Variants in TMEM164 observed in about 807,000 individuals in gnomAD.
TMEM164 encodes transmembrane protein 164, also known as RP13-360B22.2.
Under a neutral mutation model 18.8 loss-of-function variants are expected in TMEM164, and 4 were observed. That is an observed-to-expected ratio of 0.21 (90% confidence interval 0.10 to 0.49). TMEM164 has a LOEUF of 0.49. TMEM164 is among the 20% of genes least tolerant of loss of function. TMEM164 has a pLI of 0.98. For missense variants in TMEM164, 108 were observed against 239.9 expected (o/e 0.45, Z 3.63); for synonymous variants, 86 against 101.7 (o/e 0.85, Z 0.93).
At chrX:110,051,678 A>G (rs1241823423) in intron 2 of TMEM164, among the ~76,000 whole-genome samples, 1 of 111,654 alleles carries the variant, frequency 9.0e-6, no homozygotes, top group Non-Finnish European at 1.9e-5. Context: ...CTTGAGGATT[A>G]AAAGAAATCT....
In TMEM164 at chrX:110,003,779, C is replaced by T; in HGVS notation, c.5C>T (p.Ser2Phe). The stretch of plus-strand genomic sequence containing the variant: ...GTCAAGGGGAACCACTGCATCATGT[C>T]CCGGTATAGCTACCAGAGTCTCCTG... M[S>F]RYSYQSLLDW... The change falls in exon 2 of 7, where the codon TCC (serine) becomes TTC (phenylalanine). Residue 2 changes from serine to phenylalanine, a missense_variant. Transcript: ENST00000372068. 1 of 1,195,592 alleles carries T rather than the reference C, an allele frequency of 8.4e-7. No homozygotes were observed. Among genetic ancestry groups the T allele is most frequent in the Non-Finnish European group, 1.1e-6 (1 of 887,915 alleles).
chrX:110,118,701 C>G (rs937124967), intron 4 of TMEM164, among the ~76,000 whole-genome samples: 1 of 111,095 alleles, frequency 9.0e-6, no homozygotes, highest in African/African-American at 3.3e-5. Context: ...TGCCAAAGTA[C>G]CACCTCACTT....
intron 4 of TMEM164, among the ~76,000 whole-genome samples, chrX:110,126,868 T>TGG (rs2066539716): frequency 4.5e-5 from 4 of 87,973 alleles, no homozygotes; most frequent in Non-Finnish European, 8.7e-5. Flanking sequence ...GTGTGTGGTG[T>TGG]TGGTGGGAAG....
At chrX:110,157,747 T>G (rs2067036676) in intron 5 of TMEM164, among the ~76,000 whole-genome samples, 1 of 112,589 alleles carries the variant, frequency 8.9e-6, no homozygotes, top group Non-Finnish European at 1.9e-5. Context: ...ATCCTATATC[T>G]GTTCTATTCC....
At chrX:110,038,798 T>A (rs1934963376) in intron 2 of TMEM164, among the ~76,000 whole-genome samples, 1 of 100,057 alleles carries the variant, frequency 1.0e-5, no homozygotes, top group Non-Finnish European at 2.0e-5. Context: ...AGCAGCTTCC[T>A]CACTGATGCT....
chrX:110,071,854 T>C (rs2065596941), intron 3 of TMEM164, among the ~76,000 whole-genome samples: 1 of 110,242 alleles, frequency 9.1e-6, no homozygotes, highest in South Asian at 3.9e-4. Flanking sequence ...TGAACTATGA[T>C]TGTGCTGCTG....
chrX:110,066,073 C>T lies in TMEM164; in HGVS notation c.391-1274C>T, dbSNP rs184956628. On this transcript the variant is annotated intron_variant, in intron 2 of 6. Coordinates refer to ENST00000372068, the MANE Select transcript of TMEM164 (RefSeq NM_032227.4). ...TGAGGTATCATGCAGGTGATGGACT[C>T]CTGACTGTGTTCTTTTTAAGACCCT... Among the ~76,000 whole-genome samples the T allele has an allele frequency of 9.0e-4, 101 of 111,609 alleles. 1 individual carries two copies. The highest frequency in any genetic ancestry group is 9.2e-4 in the Non-Finnish European group (49 of 53,070).
intron 5 of TMEM164, among the ~76,000 whole-genome samples, chrX:110,153,906 C>T (rs2066980365): frequency 9.0e-6 from 1 of 111,159 alleles, no homozygotes; most frequent in Admixed American, 9.6e-5. Flanking sequence ...CTCTAGATTA[C>T]TCATAATACC....
chrX:110,039,045 A>G (rs1217612369), intron 2 of TMEM164, among the ~76,000 whole-genome samples: 1 of 111,738 alleles, frequency 8.9e-6, no homozygotes, highest in Non-Finnish European at 1.9e-5. Context: ...AGCTGTTTGA[A>G]CTTGGGGAAG....
chrX:110,173,597 C>T lies in TMEM164; in HGVS notation c.*146C>T. On this transcript the variant is annotated 3_prime_UTR_variant, in exon 7 of 7. Transcript: ENST00000372068. ...TCCTCCTTTCTGTCCCTTTCTTCTACCACTCTTCCTTTCCCAGCTCTTCCC... is the reference window on the plus strand; with the variant it reads ...TCCTCCTTTCTGTCCCTTTCTTCTATCACTCTTCCTTTCCCAGCTCTTCCC... 2.0e-6 allele frequency: 1 copy of T among 509,556 alleles called. No homozygotes were observed. Among genetic ancestry groups the T allele is most frequent in the South Asian group, 3.2e-5 (1 of 30,941 alleles). The allele number at this position is 509,556 out of a possible 1,213,427, so 42.0% of individuals were successfully genotyped here.
chrX:110,164,566 G>A (rs1471239858), intron 5 of TMEM164, among the ~76,000 whole-genome samples: 1 of 111,262 alleles, frequency 9.0e-6, no homozygotes, highest in African/African-American at 3.3e-5. Flanking sequence ...TAGAGAGCAG[G>A]GTCATTGAGA....
chrX:110,027,798 AAAAT>A (rs1934276293), intron 2 of TMEM164, among the ~76,000 whole-genome samples: 3 of 111,745 alleles, frequency 2.7e-5, no homozygotes, highest in Non-Finnish European at 3.8e-5. Flanking sequence ...TAAATAAAAT[AAAAT>A]AAATCTGTGA....
chrX:110,129,407 T>C (rs1320790214), intron 4 of TMEM164, among the ~76,000 whole-genome samples: 2 of 112,548 alleles, frequency 1.8e-5, no homozygotes, highest in Non-Finnish European at 3.8e-5. Flanking sequence ...CCATCCCTTA[T>C]GCCCTGTGAA....
intron 2 of TMEM164, among the ~76,000 whole-genome samples, chrX:110,035,632 T>C: frequency 9.0e-6 from 1 of 110,700 alleles, no homozygotes; most frequent in East Asian, 2.8e-4. Flanking sequence ...GCCTCCCAAG[T>C]AGCTGGGACT....
At chrX:110,121,816 C>T (rs1020610597) in intron 4 of TMEM164, among the ~76,000 whole-genome samples, 4 of 112,287 alleles carry the variant, frequency 3.6e-5, no homozygotes, top group Non-Finnish European at 7.5e-5. Context: ...AATGTATGAG[C>T]ATTCCAAGTT....
chrX:110,040,040 C>A (rs935114326), intron 2 of TMEM164, among the ~76,000 whole-genome samples: 1 of 111,700 alleles, frequency 9.0e-6, no homozygotes, highest in Non-Finnish European at 1.9e-5. Flanking sequence ...CTGGCTCATT[C>A]ATAGATATTA....
chrX:110,158,268 G>A (rs1419196665), intron 5 of TMEM164, among the ~76,000 whole-genome samples: 4 of 111,552 alleles, frequency 3.6e-5, no homozygotes, highest in Non-Finnish European at 7.5e-5. Flanking sequence ...GGCACTGTGG[G>A]GCCCTCCTGA....
At chrX:110,139,845 G>A (rs1303818328) in intron 4 of TMEM164, among the ~76,000 whole-genome samples, 1 of 110,833 alleles carries the variant, frequency 9.0e-6, no homozygotes, top group Non-Finnish European at 1.9e-5. Flanking sequence ...TCCTGGTGAA[G>A]TGGGAAAATT....
At chrX:110,096,445 T>C (rs1031127379) in intron 3 of TMEM164, among the ~76,000 whole-genome samples, 3 of 112,884 alleles carry the variant, frequency 2.7e-5, no homozygotes, top group Non-Finnish European at 3.7e-5. Flanking sequence ...ACTGCTTTGC[T>C]AGCAGTGAGC....
Sources: allele counts gnomAD v4.1 joint callset (sites outside exome capture counted in the v4.1 genomes callset), GRCh38; gene constraint gnomAD v4.1.1; transcripts MANE v1.5; gene names NCBI Gene and HGNC (gene_info 2026-07-23, HGNC 2026-07-21).